CCDC191: variants seen among roughly 807,000 people sequenced by gnomAD.
CCDC191 encodes the protein coiled-coil domain-containing protein 191.
Under a neutral mutation model 114.0 loss-of-function variants are expected in CCDC191, and 99 were observed. The observed-to-expected ratio is 0.87, with a 90% CI of 0.74 to 1.03. The LOEUF is 1.03. Among genes scored for constraint, CCDC191 ranks in the 50% least tolerant of loss-of-function variants. The pLI is 0.00. For missense variants in CCDC191, 973 were observed against 1,087.0 expected, an observed-to-expected ratio of 0.90 and a Z score of 1.47; for synonymous variants, 351 against 376.0, an observed-to-expected ratio of 0.93 and a Z score of 0.77.
At chr3:113,994,371 A>C (rs1238152525) in intron 13 of CCDC191, among the ~76,000 whole-genome samples, 2 of 152,028 alleles carry the variant, frequency 1.3e-5, no homozygotes, top group East Asian at 3.9e-4. Context: ...AACATATTAA[A>C]CCCCCCTAAC....
chr3:114,056,254 C>G (rs1441767628), intron 1 of CCDC191, 123 bp downstream of exon 1: 1 of 903,572 alleles, frequency 1.1e-6, no homozygotes, highest in Non-Finnish European at 1.8e-6. Context: ...TTGGGGCGGT[C>G]AAGGCAGGGG....
chr3:114,018,580 T>A, intron 8 of CCDC191, 98 bp downstream of exon 8: 1 of 941,148 alleles, frequency 1.1e-6, no homozygotes. Flanking sequence ...GTGGTTAAGA[T>A]TATTCTAGTT....
chr3:114,038,235 T>C (rs1487335435), intron 4 of CCDC191, among the ~76,000 whole-genome samples: 1 of 152,242 alleles, frequency 6.6e-6, no homozygotes, highest in Non-Finnish European at 1.5e-5. Flanking sequence ...TGATTATGTT[T>C]TGTAGTTGTT....
At chr3:113,990,241 A>C (rs776587076) in intron 13 of CCDC191, among the ~76,000 whole-genome samples, 14 of 152,150 alleles carry the variant, frequency 9.2e-5, no homozygotes, top group Non-Finnish European at 1.5e-5. Context: ...TGCCAATATC[A>C]AAATTTAAAG....
chr3:114,042,590 A>T, intron 4 of CCDC191, 113 bp downstream of exon 4: 3 of 825,096 alleles, frequency 3.6e-6, no homozygotes, highest in Non-Finnish European at 5.2e-6. Context: ...AATAAAAACT[A>T]AAAAAAACAC....
chr3:113,964,922 G>A lies in CCDC191; in HGVS notation c.*233C>T, dbSNP rs1011261449. On this transcript the variant is annotated 3_prime_UTR_variant, in exon 17 of 17. Coordinates refer to ENST00000295878, the MANE Select transcript of CCDC191 (RefSeq NM_020817.2). ...ATATATAGGATATATTTGAACAGAC[G>A]ATCTCTAGAATGTTCCTTTGGATGA... The A allele has an allele frequency of 2.3e-5, 8 of 346,890 alleles. 1 individual carries two copies. The highest frequency in any genetic ancestry group is 1.5e-3 in the Middle Eastern group (2 of 1,328). 21.5% of individuals were successfully genotyped at this position (346,890 alleles called of 1,614,324 possible). A position where few individuals can be genotyped will look rare whatever the true frequency, so the allele number is the denominator to read the frequency against.
At chr3:113,975,916 T>C (rs1941295164) in intron 16 of CCDC191, among the ~76,000 whole-genome samples, 1 of 152,182 alleles carries the variant, frequency 6.6e-6, no homozygotes, top group African/African-American at 2.4e-5. Context: ...CCTACATTGA[T>C]TTCACAACTT....
chr3:114,011,521 G>A (rs913380168), intron 8 of CCDC191, among the ~76,000 whole-genome samples: 7 of 152,194 alleles, frequency 4.6e-5, no homozygotes, highest in Non-Finnish European at 1.0e-4. Context: ...GTAACACTGA[G>A]GGTTGATCTT....
chr3:114,030,611 G>C (rs2076391164), intron 7 of CCDC191, among the ~76,000 whole-genome samples: 2 of 152,090 alleles, frequency 1.3e-5, no homozygotes, highest in Admixed American at 6.6e-5. Flanking sequence ...GTTAATAACT[G>C]AGTAATTACA....
intron 8 of CCDC191, among the ~76,000 whole-genome samples, chr3:114,017,921 A>T (rs1416018815): frequency 6.6e-6 from 1 of 152,256 alleles, no homozygotes; most frequent in Non-Finnish European, 1.5e-5. Flanking sequence ...TGATTCAAGA[A>T]TGCAAACTTG....
At chr3:114,017,414 A>C (rs1199482073) in intron 8 of CCDC191, among the ~76,000 whole-genome samples, 1 of 152,166 alleles carries the variant, frequency 6.6e-6, no homozygotes, top group African/African-American at 2.4e-5. Context: ...TTCAGTTTAC[A>C]ATACTCCTCA....
At chr3:113,979,102 A>G in intron 14 of CCDC191, 92 bp from the exon 15 acceptor site, 1 of 1,176,076 alleles carries the variant, frequency 8.5e-7, no homozygotes, top group Non-Finnish European at 1.2e-6. Context: ...TATAAAACAC[A>G]TTTAGGCAGT....
intron 4 of CCDC191, among the ~76,000 whole-genome samples, chr3:114,041,098 G>A (rs978738454): frequency 6.0e-5 from 9 of 150,322 alleles, no homozygotes; most frequent in African/African-American, 2.2e-4. Context: ...ACCAATCTAA[G>A]TAAAGGGATA....
intron 16 of CCDC191, among the ~76,000 whole-genome samples, chr3:113,972,118 G>C (rs1940879459): frequency 6.6e-6 from 1 of 151,798 alleles, no homozygotes; most frequent in Non-Finnish European, 1.5e-5. Flanking sequence ...TAATAATTTG[G>C]GGTTTGGTTT....
At chr3:114,016,284 A>G (rs2076156852) in intron 8 of CCDC191, among the ~76,000 whole-genome samples, 1 of 152,204 alleles carries the variant, frequency 6.6e-6, no homozygotes, top group African/African-American at 2.4e-5. Flanking sequence ...GTCTATTTAG[A>G]AAGAATGCTT....
chr3:113,975,231 G>A (rs1486249504), intron 16 of CCDC191, among the ~76,000 whole-genome samples: 1 of 152,164 alleles, frequency 6.6e-6, no homozygotes, highest in East Asian at 1.9e-4. Context: ...TTATCCGGAA[G>A]TGATACAGAT....
At chr3:114,036,269 C>G (rs985981309) in intron 5 of CCDC191, among the ~76,000 whole-genome samples, 1 of 152,026 alleles carries the variant, frequency 6.6e-6, no homozygotes, top group Non-Finnish European at 1.5e-5. Context: ...ATAATATTAA[C>G]GTTACAATTT....
chr3:114,027,068 C>A (rs2076330575), intron 7 of CCDC191, among the ~76,000 whole-genome samples: 1 of 152,172 alleles, frequency 6.6e-6, no homozygotes, highest in South Asian at 2.1e-4. Context: ...AGCAGTGACA[C>A]ATGAATTGCT....
chr3:113,987,397 T>C (rs1398028074), intron 13 of CCDC191, among the ~76,000 whole-genome samples: 1 of 152,178 alleles, frequency 6.6e-6, no homozygotes, highest in Admixed American at 6.5e-5. Flanking sequence ...TTAATTCCAC[T>C]GAGAAAACTA....
Sources: allele counts gnomAD v4.1 joint callset (sites outside exome capture counted in the v4.1 genomes callset), GRCh38; gene constraint gnomAD v4.1.1; transcripts MANE v1.5; gene names NCBI Gene and HGNC (gene_info 2026-07-23, HGNC 2026-07-21).